The following ZNF568 variants were observed in gnomAD, a reference collection of about 807,000 sequenced individuals.
The protein encoded by ZNF568 is p53 inhibitor of SCO2 activation.
In ZNF568, 11 loss-of-function variants were observed where a neutral mutation model predicts 18.1. That is an observed-to-expected ratio of 0.61 (90% confidence interval 0.38 to 1.00). ZNF568 has a LOEUF of 1.00. Among genes scored for constraint, ZNF568 ranks in the 50% least tolerant of loss-of-function variants. The pLI is 0.01. For synonymous variants in ZNF568, 213 were observed against 246.6 expected (o/e 0.86, Z 1.28); for missense variants, 639 against 768.2 (o/e 0.83, Z 1.99).
chr19:36,975,681 CTTTT>C (rs1193440344), intron 7 of ZNF568, among the ~76,000 whole-genome samples: 22 of 75,798 alleles, frequency 2.9e-4, no homozygotes, highest in Non-Finnish European at 4.0e-4. Flanking sequence ...CGCGCCAAGA[CTTTT>C]TTTTTTTTTT....
chr19:36,991,475 C>A, intron 3 of ZNF568: 1 of 899,068 alleles, frequency 1.1e-6, no homozygotes, highest in Non-Finnish European at 1.6e-6. Flanking sequence ...TGGAAATTGG[C>A]TGTTCCAGCA....
In ZNF568 at chr19:36,975,681, C is replaced by CTTTTTTTTTTTTTTT. The variant is rs1193440344; in HGVS notation, c.405+1222_405+1236dup. Among the ~76,000 whole-genome samples, 16 of 75,776 alleles carry CTTTTTTTTTTTTTTT rather than the reference C, an allele frequency of 2.1e-4. 2 individuals are homozygous for CTTTTTTTTTTTTTTT. Among genetic ancestry groups the CTTTTTTTTTTTTTTT allele is most frequent in the South Asian group, 1.6e-3 (3 of 1,922 alleles). 49.7% of individuals were successfully genotyped at this position (75,776 alleles called of 152,430 possible). A position where few individuals can be genotyped will look rare whatever the true frequency, so the allele number is the denominator to read the frequency against. On this transcript the variant is annotated intron_variant, in intron 7 of 7. Transcript: ENST00000427117. ...GCAGGCGTGAGCCACCGCGCCAAGA[C>CTTTTTTTTTTTTTTT]TTTTTTTTTTTTTTTTTTTTTGAGA...
intron 6 of ZNF568, among the ~76,000 whole-genome samples, chr19:36,958,643 C>G (rs1468980572): frequency 1.3e-5 from 1 of 76,262 alleles, no homozygotes; most frequent in East Asian, 4.0e-4. Context: ...TTTTTTGAGA[C>G]AGGGTCTCTC....
chr19:36,937,348 C>T, intron 6 of ZNF568, 106 bp downstream of exon 6: 1 of 806,074 alleles, frequency 1.2e-6, no homozygotes, highest in Non-Finnish European at 1.9e-6. Context: ...AGGCCTTATT[C>T]TTCTAGAGTG....
chr19:36,946,117 A>T (rs1160814497), intron 6 of ZNF568, among the ~76,000 whole-genome samples: 3 of 151,872 alleles, frequency 2.0e-5, no homozygotes, highest in African/African-American at 4.8e-5. Flanking sequence ...TGATAACAAT[A>T]ATAATAATCC....
At position 36,949,589 on chromosome 19, in the gene ZNF568, A is replaced by C; in HGVS notation, c.436A>C (p.Ile146Leu). Residue 146 changes from isoleucine (I) to leucine (L), a missense_variant, in exon 7 of 7, where the codon ATT (isoleucine) becomes CTT (leucine). Transcript: ENST00000333987. Reference sequence around the variant, plus strand: ...GAAAGTCACATCCATCTCCAAGAAAATTCTGATAAAGGAAAAAGTCATTGA... The same window carrying C: ...GAAAGTCACATCCATCTCCAAGAAACTTCTGATAAAGGAAAAAGTCATTGA... ...VRKVTSISKKILIKEKVIECK... is the reference protein window; with the variant it reads ...VRKVTSISKKLLIKEKVIECK... 6.2e-7 allele frequency: 1 copy of C among 1,613,376 alleles called. No individual in the cohort carries two copies. Among genetic ancestry groups the C allele is most frequent in the Non-Finnish European group, 8.5e-7 (1 of 1,179,720 alleles).
chr19:36,993,871 T>C (rs930408927), intron 4 of ZNF568, among the ~76,000 whole-genome samples: 1 of 152,126 alleles, frequency 6.6e-6, no homozygotes, highest in African/African-American at 2.4e-5. Context: ...ATTGATTTTC[T>C]CTGTTGTTTT....
At position 36,996,928 on chromosome 19, in the gene ZNF568, C is replaced by T. The variant is rs905840665; in HGVS notation, c.841C>T (p.His281Tyr). Residue 281 changes from histidine (H) to tyrosine (Y), a missense_variant, in exon 5 of 5, where the codon CAT (histidine) becomes TAT (tyrosine). His to Tyr is a moderately conservative substitution (Grantham distance 83). Transcript: ENST00000433993. ...TCCATCCACTGCACAGCTTAATCTA[C>T]ATCAGAGGATCCATACTGATGAGAA... 4.6e-6 allele frequency: 7 copies of T among 1,536,654 alleles called. No homozygotes were observed. In the African/African-American group the frequency reaches 8.2e-5, roughly 18 times the overall value.
At chr19:36,940,350 A>G (rs1051843650) in intron 6 of ZNF568, among the ~76,000 whole-genome samples, 6 of 152,174 alleles carry the variant, frequency 3.9e-5, no homozygotes, top group African/African-American at 1.4e-4. Context: ...TCCAGCCTAC[A>G]TTGGTCTTGC....
In ZNF568 at chr19:36,916,861, C is replaced by T. The variant is rs1311761520; in HGVS notation, c.-256+270C>T. 3.3e-5 allele frequency among the ~76,000 whole-genome samples: 5 copies of T among 152,122 alleles called. No individual in the cohort carries two copies. The highest frequency in any genetic ancestry group is 1.2e-4 in the African/African-American group (5 of 41,422). On this transcript the variant is annotated intron_variant, in intron 1 of 6. Transcript: ENST00000333987. This position sits in a 1 kb window ranked among gnomAD's most constrained non-coding sequence, Gnocchi z 5.3. ...TAGCATTTGGCACAGTTGGTAACGG[C>T]TTGAAAAACACTTATTTGTTTTCTA...
At chr19:36,957,390 G>C (rs1296361382), downstream of ZNF568, among the ~76,000 whole-genome samples, 1 of 151,814 alleles carries the variant, frequency 6.6e-6, no homozygotes, top group African/African-American at 2.4e-5. Context: ...TGCCACCATG[G>C]CTGGCTAACT....
Position 36,925,197 on chromosome 19 carries a change from C to T in ZNF568, c.77-3C>T, listed in dbSNP as rs773740988. The T allele has an allele frequency of 5.0e-6, 8 of 1,613,996 alleles. No homozygotes were observed. The South Asian group carries it at 7.7e-5, about 16-fold the overall frequency. ...CAAATCTGTTTCATTTCTCTTCCCT[C>T]AGCTTGGTGTTCTCAAGAGTCTGCC... On this transcript the variant is annotated splice_region_variant and splice_polypyrimidine_tract_variant and intron_variant, in intron 3 of 6. Transcript: ENST00000333987.
intron 2 of ZNF568, among the ~76,000 whole-genome samples, chr19:36,921,014 A>C (rs907824629): frequency 8.5e-5 from 13 of 152,246 alleles, no homozygotes; most frequent in Non-Finnish European, 1.8e-4. Context: ...AGGCTATACC[A>C]TATAGCATAG....
exon 7 of ZNF568, chr19:36,974,440 T>C (rs2074263943): frequency 6.5e-7 from 1 of 1,536,132 alleles, no homozygotes; most frequent in Non-Finnish European, 8.7e-7. Context: ...AGGAGAGAAC[T>C]GCTGTGCGTC....
At chr19:36,969,477 G>A (rs1600839839) in intron 6 of ZNF568, among the ~76,000 whole-genome samples, 1 of 152,100 alleles carries the variant, frequency 6.6e-6, no homozygotes, top group Admixed American at 6.6e-5. Flanking sequence ...TCTTCCTGCT[G>A]AGGGAAGATT....
chr19:36,991,782 C>G, exon 4 of ZNF568: 1 of 1,580,740 alleles, frequency 6.3e-7, no homozygotes, highest in Non-Finnish European at 8.5e-7. Flanking sequence ...ATGTGATCTC[C>G]TTATTGGAGC....
intron 2 of ZNF568, among the ~76,000 whole-genome samples, chr19:36,986,647 C>G (rs1475591524): frequency 6.6e-6 from 1 of 152,062 alleles, no homozygotes; most frequent in South Asian, 2.1e-4. Context: ...CGTGACTGAG[C>G]TTTTTAAGAG....
chr19:36,940,967 T>C (rs1429372265), intron 6 of ZNF568, among the ~76,000 whole-genome samples: 2 of 152,214 alleles, frequency 1.3e-5, no homozygotes, highest in Non-Finnish European at 2.9e-5. Flanking sequence ...GGATGAGTTT[T>C]CCATTGTAGA....
At position 36,949,618 on chromosome 19, in the gene ZNF568, T is replaced by TA; in HGVS notation, c.471dup (p.Val158SerfsTer20). The stretch of plus-strand genomic sequence containing the variant: ...TGATAAAGGAAAAAGTCATTGAATG[T>TA]AAAAAAGTTGCGAAAATATTTCCTC... On this transcript the variant is annotated frameshift_variant, in exon 7 of 7. Transcript: ENST00000333987. LOFTEE classifies it low-confidence loss of function (END_TRUNC). 6.2e-7 allele frequency: 1 copy of TA among 1,613,694 alleles called. No homozygotes were observed. Among genetic ancestry groups the TA allele is most frequent in the Non-Finnish European group, 8.5e-7 (1 of 1,179,830 alleles).
Sources: gnomAD v4.1 joint callset for allele counts (sites outside exome capture counted in the v4.1 genomes callset) on GRCh38, gnomAD v4.1.1 for gene constraint, Gnocchi (gnomAD v3.1) non-coding constraint, MANE v1.5 for transcripts, NCBI Gene and HGNC (gene_info 2026-07-23, HGNC 2026-07-21) for gene names.